The following FAM83C variants were observed in gnomAD, a reference collection of about 807,000 sequenced individuals.
FAM83C encodes the protein scaffolding CK1 anchoring protein C.
In FAM83C, 23 loss-of-function variants were observed where a neutral mutation model predicts 27.1. That is an observed-to-expected ratio of 0.85 (90% CI 0.61 to 1.20). The LOEUF (loss-of-function observed/expected upper bound fraction) is 1.20. Among genes scored for constraint, FAM83C ranks in the 50% most tolerant of loss-of-function variants. FAM83C has a pLI of 0.00. For missense variants in FAM83C, 984 were observed against 1,001.3 expected, an observed-to-expected ratio of 0.98 and a Z score of 0.23; for synonymous variants, 426 against 423.1, an observed-to-expected ratio of 1.01 and a Z score of -0.09.
At chr20:35,288,335 G>A in intron 3 of FAM83C, 126 bp downstream of exon 3, 1 of 1,510,606 alleles carries the variant, frequency 6.6e-7, no homozygotes, top group Non-Finnish European at 8.9e-7. Flanking sequence ...CCTGAGCCTG[G>A]CATGATGCCT....
rs1448597661 is a variant in FAM83C at position 35,286,527 on chromosome 20, T to C, written c.*8A>G. On this transcript the variant is annotated 3_prime_UTR_variant, in exon 4 of 4. Coordinates refer to ENST00000374408, the MANE Select transcript of FAM83C (RefSeq NM_178468.6). ...CTTGCCAGTGCACCCCCGATGCCAG[T>C]CCTTTGGCTAGGACTCAAAGCGGCT... is the stretch of plus-strand genomic sequence containing the variant. 2.5e-6 allele frequency: 4 copies of C among 1,597,266 alleles called. No individual in the cohort carries two copies. In the South Asian group the frequency reaches 4.5e-5, roughly 18 times the overall value.
At position 35,291,792 on chromosome 20, in the gene FAM83C, C is replaced by A; in HGVS notation, c.513G>T (p.Thr171=). ...LLRFLFSQAH[T]VVAVVMDIFT... ...AGTGATGGAGAGATGAGGCCCTTAC[C>A]GTGTGGGCCTGGCTGAAAAGGAAGC... The change falls in exon 1 of 4, where the codon ACG becomes ACT. Residue 171 remains threonine (T), a splice_region_variant and synonymous_variant. Coordinates refer to ENST00000374408, the MANE Select transcript of FAM83C (RefSeq NM_178468.6). 1 of 1,613,928 alleles carries A rather than the reference C, an allele frequency of 6.2e-7. No homozygotes were observed. The highest frequency in any genetic ancestry group is 8.5e-7 in the Non-Finnish European group (1 of 1,180,030).
rs1339401996 is a variant in FAM83C, at chr20:35,287,857, C to T, written c.922G>A (p.Glu308Lys). 3 of 1,566,910 alleles carry T rather than the reference C, an allele frequency of 1.9e-6. No homozygotes were observed. The highest frequency in any genetic ancestry group is 1.2e-5 in the South Asian group (1 of 85,812). ...GGGTCCTCACCGCCACAGAAGCCCT[C>T]CACAGGCTGCGACTCAGCGTACAGA... is the stretch of plus-strand genomic sequence containing the variant. ...RCLYAESQPV[E>K]GFCGGEDPLS... is the part of the protein sequence containing the mutation. The change falls in exon 4 of 4, where the codon GAG (glutamate) becomes AAG (lysine). Residue 308 changes from glutamate (E) to lysine (K), a missense_variant. Glu to Lys is a moderately conservative substitution (Grantham distance 56). Transcript: ENST00000374408.
At chr20:35,288,426 C>A (rs1187539766) in intron 3 of FAM83C, 35 bp downstream of exon 3, 6 of 1,611,086 alleles carry the variant, frequency 3.7e-6, no homozygotes, top group Non-Finnish European at 5.1e-6. Flanking sequence ...AGTGATGCAG[C>A]CCCAGGCCCC....
At position 35,287,594 on chromosome 20, in the gene FAM83C, A is replaced by G; in HGVS notation, c.1185T>C (p.His395=). Residue 395 remains histidine (H), a synonymous_variant, in exon 4 of 4, where the codon CAT becomes CAC. Coordinates refer to ENST00000374408, the MANE Select transcript of FAM83C (RefSeq NM_178468.6). ...RREASGQPSL[H]RQLSDPNHGS... ...CGTGGTTAGGGTCTGACAGTTGGCG[A>G]TGTAGGGAGGGCTGGCCACTGGCCT... The G allele has an allele frequency of 6.2e-7, 1 of 1,614,066 alleles. No homozygotes were observed. Among genetic ancestry groups the G allele is most frequent in the Non-Finnish European group, 8.5e-7 (1 of 1,179,982 alleles).
Position 35,287,549 on chromosome 20 carries a change from A to G in FAM83C, c.1230T>C (p.Tyr410=), listed in dbSNP as rs199532409. ...CCCCTAGCTTGCCGAGATTGGCCCT[A>G]TAGAGCCCAGGAGGGGAGCCGTGGT... ...DPNHGSPPGL[Y]RANLGKLGAY... The change falls in exon 4 of 4, where the codon TAT becomes TAC. Residue 410 remains tyrosine (Y), a synonymous_variant. Transcript: ENST00000374408. The G allele has an allele frequency of 1.9e-4, 310 of 1,614,142 alleles. 1 individual carries two copies. In the East Asian group the frequency reaches 6.7e-3, roughly 35 times the overall value.
rs763045864 is a variant in FAM83C at position 35,287,808 on chromosome 20, G to A, written c.971C>T (p.Pro324Leu). Residue 324 changes from proline to leucine, a missense_variant, in exon 4 of 4, where the codon CCT (proline) becomes CTT (leucine). Pro to Leu is a moderately conservative substitution (Grantham distance 98). Coordinates refer to ENST00000374408, the MANE Select transcript of FAM83C (RefSeq NM_178468.6). ...EDPLSPRALRPPPVALAFRPD... is the reference protein window; with the variant it reads ...EDPLSPRALRLPPVALAFRPD... ...CCTGAAGGCTAGGGCCACAGGGGGA[G>A]GACGCAGTGCCCGGGGAGACAGCGG... is the stretch of plus-strand genomic sequence containing the variant. The A allele has an allele frequency of 6.3e-7, 1 of 1,594,368 alleles. No homozygotes were observed. The highest frequency in any genetic ancestry group is 8.6e-7 in the Non-Finnish European group (1 of 1,169,492).
chr20:35,286,397 C>A lies in FAM83C; in HGVS notation c.*138G>T. 1.5e-6 allele frequency: 1 copy of A among 682,542 alleles called. No individual in the cohort carries two copies. 42.3% of individuals were successfully genotyped at this position (682,542 alleles called of 1,614,324 possible). On this transcript the variant is annotated 3_prime_UTR_variant, in exon 4 of 4. Coordinates refer to ENST00000374408, the MANE Select transcript of FAM83C (RefSeq NM_178468.6). ...TGTGTGTGTGTGTGTACACAAGAATCTTGAGCCCAGAGAGTGTGTCTGACC... is the reference window on the plus strand; with the variant it reads ...TGTGTGTGTGTGTGTACACAAGAATATTGAGCCCAGAGAGTGTGTCTGACC...
intron 3 of FAM83C, 69 bp from the exon 4 acceptor site, chr20:35,288,041 C>T: frequency 4.4e-6 from 6 of 1,363,726 alleles, no homozygotes; most frequent in Non-Finnish European, 6.0e-6. Context: ...GGAGTCACAG[C>T]CAGGGGTGCA....
rs78127944 is a variant in FAM83C at position 35,286,797 on chromosome 20, C to T, written c.1982G>A (p.Arg661His). Residue 661 changes from arginine to histidine, a missense_variant, in exon 4 of 4, where the codon CGC becomes CAC. Physicochemically the swap from Arg to His is conservative, Grantham distance 29. Transcript: ENST00000374408. ...PNGLPISSPARTAGAGSGDEK... is the reference protein window; with the variant it reads ...PNGLPISSPAHTAGAGSGDEK... ...ATCCCCAGACCCAGCTCCAGCCGTGCGAGCAGGGCTTGATATCGGGAGACC... is the reference window on the plus strand; with the variant it reads ...ATCCCCAGACCCAGCTCCAGCCGTGTGAGCAGGGCTTGATATCGGGAGACC... The T allele has an allele frequency of 3.5e-4, 572 of 1,613,974 alleles. 3 individuals are homozygous for T. The East Asian group carries it at 0.012, about 34-fold the overall frequency.
At position 35,287,039 on chromosome 20, in the gene FAM83C, C is replaced by T; in HGVS notation, c.1740G>A (p.Leu580=). The change falls in exon 4 of 4, where the codon CTG becomes CTA. Residue 580 remains leucine (L), a synonymous_variant. Transcript: ENST00000374408. ...GGTTTAGGGACAGCCTCCTGTCCTC[C>T]AGGGCCCGATCACCAGGTCTGAGGG... is the stretch of plus-strand genomic sequence containing the variant. ...LGSLRPGDRA[L]EDRRLSLNQS... The T allele has an allele frequency of 6.2e-7, 1 of 1,605,560 alleles. No homozygotes were observed. Among genetic ancestry groups the T allele is most frequent in the South Asian group, 1.1e-5 (1 of 91,074 alleles).
chr20:35,291,778 G>A lies in FAM83C; in HGVS notation c.513+14C>T, dbSNP rs1236679843. Reference sequence around the variant, plus strand: ...TCCTCTGTGAGATGAGTGATGGAGAGATGAGGCCCTTACCGTGTGGGCCTG... The same window carrying A: ...TCCTCTGTGAGATGAGTGATGGAGAAATGAGGCCCTTACCGTGTGGGCCTG... On this transcript the variant is annotated intron_variant, in intron 1 of 3. Transcript: ENST00000374408. 1 of 1,613,706 alleles carries A rather than the reference G, an allele frequency of 6.2e-7. No homozygotes were observed. The highest frequency in any genetic ancestry group is 1.3e-5 in the African/African-American group (1 of 75,066).
intron 3 of FAM83C, 115 bp downstream of exon 3, chr20:35,288,346 G>T: frequency 6.5e-7 from 1 of 1,531,920 alleles, no homozygotes. Flanking sequence ...CATGATGCCT[G>T]GCACATGGCA....
chr20:35,292,068 G>C lies in FAM83C; in HGVS notation c.237C>G (p.Asp79Glu). 6.2e-7 allele frequency: 1 copy of C among 1,611,208 alleles called. No individual in the cohort carries two copies. The highest frequency in any genetic ancestry group is 8.5e-7 in the Non-Finnish European group (1 of 1,179,988). ...ELPFLSALDV[D>E]YMTSHVRGGP... ...CCCCGCGCACATGGCTGGTCATGTA[G>C]TCCACATCCAGGGCGCTCAGGAAGG... is the stretch of plus-strand genomic sequence containing the variant. The change falls in exon 1 of 4, where the codon GAC (aspartate) becomes GAG (glutamate). Residue 79 changes from aspartate to glutamate, a missense_variant. By Grantham distance (45) the Asp-to-Glu change is conservative. Transcript: ENST00000374408.
In FAM83C at chr20:35,286,301, A is replaced by C. The variant is rs532233666; in HGVS notation, c.*234T>G. On this transcript the variant is annotated 3_prime_UTR_variant, in exon 4 of 4. Transcript: ENST00000374408. ...AGTGTGACCCACCTGTCAGCTCTAC[A>C]GGCCCAGCACAGGGCTGGAAACACA... is the stretch of plus-strand genomic sequence containing the variant. The C allele has an allele frequency of 3.8e-6, 2 of 519,968 alleles. No homozygotes were observed. The highest frequency in any genetic ancestry group is 3.8e-5 in the African/African-American group (2 of 52,220). The allele number at this position is 519,968 out of a possible 1,614,324, so 32.2% of individuals were successfully genotyped here.
In FAM83C at chr20:35,287,534, G is replaced by T. The variant is rs1413807926; in HGVS notation, c.1245C>A (p.Gly415=). The change falls in exon 4 of 4, where the codon GGC becomes GGA. Residue 415 remains glycine (G), a synonymous_variant. Coordinates refer to ENST00000374408, the MANE Select transcript of FAM83C (RefSeq NM_178468.6). ...SPPGLYRANL[G]KLGAYPWSQS... Reference sequence around the variant, plus strand: ...GGGACCATGGGTATGCCCCTAGCTTGCCGAGATTGGCCCTATAGAGCCCAG... The same window carrying T: ...GGGACCATGGGTATGCCCCTAGCTTTCCGAGATTGGCCCTATAGAGCCCAG... The T allele has an allele frequency of 2.5e-6, 4 of 1,614,162 alleles. No individual in the cohort carries two copies. The highest frequency in any genetic ancestry group is 3.4e-6 in the Non-Finnish European group (4 of 1,180,012).
chr20:35,289,952 C>G (rs904291011), intron 1 of FAM83C, among the ~76,000 whole-genome samples: 6 of 152,198 alleles, frequency 3.9e-5, no homozygotes, highest in Non-Finnish European at 7.3e-5. Context: ...CCCCAATTCC[C>G]AGGCAAGTTC....
In FAM83C at chr20:35,286,332, G is replaced by T; in HGVS notation, c.*203C>A. ...AGCACAGGGCTGGAAACACAGCCTA[G>T]ATTCAAGAAGATACTAGTTAGGGTG... On this transcript the variant is annotated 3_prime_UTR_variant, in exon 4 of 4. Transcript: ENST00000374408. The T allele has an allele frequency of 1.7e-6, 1 of 580,970 alleles. No individual in the cohort carries two copies. The allele number at this position is 580,970 out of a possible 1,614,324, so 36.0% of individuals were successfully genotyped here. A position where few individuals can be genotyped will look rare whatever the true frequency, so the allele number is the denominator to read the frequency against.
At chr20:35,289,007 C>T in intron 1 of FAM83C, 49 bp from the exon 2 acceptor site, 4 of 1,566,276 alleles carry the variant, frequency 2.6e-6, no homozygotes, top group Non-Finnish European at 3.5e-6. Flanking sequence ...AGGGCACTCC[C>T]CACATCCAGC....
Sources: allele counts gnomAD v4.1 joint callset (sites outside exome capture counted in the v4.1 genomes callset), GRCh38; gene constraint gnomAD v4.1.1; transcripts MANE v1.5; gene names NCBI Gene and HGNC (gene_info 2026-07-23, HGNC 2026-07-21).